Variants in GRHL2 observed in about 807,000 individuals in gnomAD.
GRHL2 encodes the protein grainyhead-like protein 2 homolog.
GRHL2 carries 21 observed loss-of-function variants against 83.8 expected under a neutral mutation model. That is an observed-to-expected ratio of 0.25 (90% CI 0.18 to 0.36). The LOEUF (loss-of-function observed/expected upper bound fraction) is 0.36, where lower values mean the gene tolerates loss of function less well. Among genes scored for constraint, GRHL2 ranks in the 10% least tolerant of loss-of-function variants. GRHL2 has a pLI of 1.00. For missense variants in GRHL2, 623 were observed against 781.8 expected, an observed-to-expected ratio of 0.80 and a Z score of 2.42; for synonymous variants, 280 against 278.9, an observed-to-expected ratio of 1.00 and a Z score of -0.04.
chr8:101,600,980 G>A (rs951646361), intron 8 of GRHL2, among the ~76,000 whole-genome samples: 1 of 152,112 alleles, frequency 6.6e-6, no homozygotes, highest in Admixed American at 6.5e-5. Flanking sequence ...AAAGTAGGGA[G>A]ACCCCATGTC....
intron 6 of GRHL2, among the ~76,000 whole-genome samples, chr8:101,576,468 C>A (rs145768736): frequency 6.6e-6 from 1 of 152,290 alleles, no homozygotes; most frequent in South Asian, 2.1e-4. Context: ...GATCTTCCCC[C>A]CTCAGTTTCC....
chr8:101,580,040 A>T (rs2130249691), intron 7 of GRHL2, among the ~76,000 whole-genome samples: 1 of 152,318 alleles, frequency 6.6e-6, no homozygotes, highest in East Asian at 1.9e-4. Context: ...AGGGCTCAAA[A>T]GTCTCAATTC....
intron 7 of GRHL2, among the ~76,000 whole-genome samples, chr8:101,585,247 T>C (rs929754513): frequency 6.6e-6 from 1 of 152,192 alleles, no homozygotes; most frequent in Non-Finnish European, 1.5e-5. Context: ...ATTATACAGA[T>C]TTGCTCTCTC....
intron 3 of GRHL2, among the ~76,000 whole-genome samples, chr8:101,555,961 C>T (rs1276313113): frequency 6.6e-6 from 1 of 151,968 alleles, no homozygotes; most frequent in African/African-American, 2.4e-5. Context: ...CTTGGAAGAA[C>T]ATTTTTTTTT....
chr8:101,586,330 G>T (rs931543104), intron 7 of GRHL2, among the ~76,000 whole-genome samples: 3 of 152,000 alleles, frequency 2.0e-5, no homozygotes, highest in Non-Finnish European at 2.9e-5. Context: ...ATTTTAAAAT[G>T]ACAGATATCT....
chr8:101,644,363 GTCT>G (rs919131091), intron 13 of GRHL2, 138 bp downstream of exon 13: 8 of 702,728 alleles, frequency 1.1e-5, no homozygotes, highest in South Asian at 3.1e-5. Flanking sequence ...GAAGTCCACA[GTCT>G]TCTTCTTTGC....
chr8:101,649,362 G>A, intron 13 of GRHL2, 52 bp from the exon 14 acceptor site: 1 of 1,415,268 alleles, frequency 7.1e-7, no homozygotes, highest in Non-Finnish European at 1.0e-6. Context: ...TGGAGCAGCT[G>A]TGGAATTGTG....
At chr8:101,674,348 A>C (rs1814258371), downstream of GRHL2, among the ~76,000 whole-genome samples, 1 of 151,056 alleles carries the variant, frequency 6.6e-6, no homozygotes, top group African/African-American at 2.4e-5. Flanking sequence ...AGAATCAAAA[A>C]GATGTAATAA....
chr8:101,565,444 A>G (rs887448539), intron 4 of GRHL2, among the ~76,000 whole-genome samples: 1 of 152,154 alleles, frequency 6.6e-6, no homozygotes, highest in Admixed American at 6.6e-5. Flanking sequence ...ATTTAATACA[A>G]TAAAATATTA....
chr8:101,527,133 C>A (rs975074078), intron 1 of GRHL2, among the ~76,000 whole-genome samples: 2 of 152,158 alleles, frequency 1.3e-5, no homozygotes, highest in African/African-American at 2.4e-5. Context: ...TAGTTTTAAA[C>A]TCATAAACCC....
intron 5 of GRHL2, among the ~76,000 whole-genome samples, chr8:101,570,959 T>C (rs1370831958): frequency 1.3e-5 from 2 of 152,252 alleles, no homozygotes; most frequent in Non-Finnish European, 2.9e-5. Context: ...ACTTCTTTTT[T>C]ATTCCACTGT....
rs1293422584 is a variant in GRHL2 at position 101,558,869 on chromosome 8, T to C, written c.678+57T>C. ...CCAAACCCAGAGCCCCTAGCTAATTTTTTTCTATTTCCTTTCAAAGTGTGA... is the reference window on the plus strand; with the variant it reads ...CCAAACCCAGAGCCCCTAGCTAATTCTTTTCTATTTCCTTTCAAAGTGTGA... On this transcript the variant is annotated intron_variant, in intron 4 of 15. Transcript: ENST00000646743. 1.9e-6 allele frequency: 3 copies of C among 1,570,042 alleles called. No homozygotes were observed. In the African/African-American group the frequency reaches 4.1e-5, roughly 21 times the overall value.
At chr8:101,646,521 G>T (rs1421529136) in intron 13 of GRHL2, among the ~76,000 whole-genome samples, 1 of 152,226 alleles carries the variant, frequency 6.6e-6, no homozygotes, top group Non-Finnish European at 1.5e-5. Flanking sequence ...TTTGGAAAAG[G>T]TCAGTGGGGT....
At chr8:101,649,946 T>A (rs115777736) in intron 14 of GRHL2, among the ~76,000 whole-genome samples, 2,176 of 152,302 alleles carry the variant, frequency 0.014, 55 homozygotes, top group African/African-American at 0.05. Context: ...ACTTTTCCCT[T>A]CCTACCCATG....
intron 1 of GRHL2, among the ~76,000 whole-genome samples, chr8:101,500,571 C>T (rs1486818153): frequency 1.3e-5 from 2 of 152,138 alleles, no homozygotes; most frequent in African/African-American, 4.8e-5. Flanking sequence ...TACAATGGCA[C>T]GATCTCGGCT....
At chr8:101,571,249 T>C (rs1811814565) in intron 5 of GRHL2, among the ~76,000 whole-genome samples, 1 of 152,204 alleles carries the variant, frequency 6.6e-6, no homozygotes, top group Non-Finnish European at 1.5e-5. Context: ...GCATTTGAGC[T>C]GCATCTTGAA....
intron 1 of GRHL2, among the ~76,000 whole-genome samples, chr8:101,493,451 C>A (rs1434216976): frequency 7.3e-6 from 1 of 137,314 alleles, no homozygotes; most frequent in South Asian, 2.5e-4. Flanking sequence ...CTCCCTCCCC[C>A]GGGTCCGCCC....
At chr8:101,598,017 A>G (rs1010555166) in intron 7 of GRHL2, among the ~76,000 whole-genome samples, 1 of 152,178 alleles carries the variant, frequency 6.6e-6, no homozygotes, top group Non-Finnish European at 1.5e-5. Flanking sequence ...AACTTTAGTC[A>G]TGGAACAACA....
chr8:101,596,507 A>T (rs1812394428), intron 7 of GRHL2, among the ~76,000 whole-genome samples: 2 of 152,250 alleles, frequency 1.3e-5, no homozygotes, highest in Admixed American at 1.3e-4. Flanking sequence ...TTTGAAATAG[A>T]AAACTATTGG....
Sources: allele counts gnomAD v4.1 joint callset (sites outside exome capture counted in the v4.1 genomes callset), GRCh38; gene constraint gnomAD v4.1.1; transcripts MANE v1.5; gene names NCBI Gene and HGNC (gene_info 2026-07-23, HGNC 2026-07-21).